HSPA2: variants seen among roughly 807,000 people sequenced by gnomAD.
HSPA2 encodes heat shock protein family A (Hsp70) member 2.
Under a neutral mutation model 35.0 loss-of-function variants are expected in HSPA2, and 13 were observed. The ratio of observed to expected loss-of-function variants is 0.37; its 90% CI spans 0.24 to 0.59. The LOEUF is 0.59. Among genes scored for constraint, HSPA2 ranks in the 20% least tolerant of loss-of-function variants. The pLI is 0.70. For missense variants in HSPA2, 565 were observed against 885.4 expected (o/e 0.64, Z 4.59); for synonymous variants, 368 against 382.1 (o/e 0.96, Z 0.43).
rs766204605 is a variant in HSPA2 at position 64,542,203 on chromosome 14, A to T, written c.1354A>T (p.Met452Leu). Residue 452 changes from methionine (M) to leucine (L), a missense_variant, in exon 1 of 1, where the codon ATG (methionine) becomes TTG (leucine). By Grantham distance (15) the Met-to-Leu change is conservative. Around this residue, in one of 4 missense-constraint regions of HSPA2, gnomAD observed 234 missense variants for 419.0 expected, o/e 0.56. Coordinates refer to ENST00000247207, the MANE Select transcript of HSPA2 (RefSeq NM_021979.4). This position sits in a 1 kb window ranked among gnomAD's most constrained non-coding sequence, Gnocchi z 5.7. ...GCAGGTATACGAGGGCGAACGGGCC[A>T]TGACCAAGGACAATAACCTGCTGGG... ...LVQVYEGERA[M>L]TKDNNLLGKF... The T allele has an allele frequency of 1.9e-6, 3 of 1,613,738 alleles. No individual in the cohort carries two copies. Among genetic ancestry groups the T allele is most frequent in the East Asian group, 4.5e-5 (2 of 44,836 alleles).
rs2140205343 is a variant in HSPA2 at position 64,542,518 on chromosome 14, G to A, written c.1669G>A (p.Glu557Lys). ...TACCTACAACATCAAGCAGACGGTG[G>A]AAGACGAGAAACTGAGGGGCAAGAT... is the stretch of plus-strand genomic sequence containing the variant. ...SYTYNIKQTV[E>K]DEKLRGKISE... Residue 557 changes from glutamate to lysine, a missense_variant, in exon 1 of 1, where the codon GAA (glutamate) becomes AAA (lysine). Physicochemically the swap from Glu to Lys is moderately conservative, Grantham distance 56. Transcript: ENST00000247207. The surrounding 1 kb of genome is among the most constrained non-coding windows in gnomAD (Gnocchi z 5.7). The A allele has an allele frequency of 1.2e-6, 2 of 1,613,490 alleles. No individual in the cohort carries two copies. Among genetic ancestry groups the A allele is most frequent in the East Asian group, 2.2e-5 (1 of 44,808 alleles).
At position 64,540,781 on chromosome 14, in the gene HSPA2, C is replaced by G. The variant is rs1327805785; in HGVS notation, c.-69C>G. 4 of 1,579,684 alleles carry G rather than the reference C, an allele frequency of 2.5e-6. No homozygotes were observed. Among genetic ancestry groups the G allele is most frequent in the Non-Finnish European group, 2.6e-6 (3 of 1,161,928 alleles). On this transcript the variant is annotated 5_prime_UTR_variant, in exon 1 of 1. Coordinates refer to ENST00000247207, the MANE Select transcript of HSPA2 (RefSeq NM_021979.4). ...CCCGTGGTGCTTGGTTCGAGGTGGC[C>G]GTTAGTTGACTCCGCGGAGTTCATC...
Position 64,542,687 on chromosome 14 carries a change from T to C in HSPA2, c.1838T>C (p.Leu613Pro), listed in dbSNP as rs780055592. The change falls in exon 1 of 1, where the codon CTT (leucine) becomes CCT (proline). Residue 613 changes from leucine to proline, a missense_variant. Physicochemically the swap from Leu to Pro is moderately conservative, Grantham distance 98. Coordinates refer to ENST00000247207, the MANE Select transcript of HSPA2 (RefSeq NM_021979.4). The surrounding 1 kb of genome is among the most constrained non-coding windows in gnomAD (Gnocchi z 5.7). ...ERVCNPIISKLYQGGPGGGSG... is the reference protein window; with the variant it reads ...ERVCNPIISKPYQGGPGGGSG... Reference sequence around the variant, plus strand: ...GTTTGCAACCCCATCATCAGCAAACTTTACCAAGGTGGTCCTGGCGGCGGC... The same window carrying C: ...GTTTGCAACCCCATCATCAGCAAACCTTACCAAGGTGGTCCTGGCGGCGGC... 1.9e-6 allele frequency: 3 copies of C among 1,614,020 alleles called. No homozygotes were observed. The highest frequency in any genetic ancestry group is 2.5e-6 in the Non-Finnish European group (3 of 1,180,012).
chr14:64,537,408 A>C (rs1019911858), upstream of HSPA2, among the ~76,000 whole-genome samples: 1 of 152,156 alleles, frequency 6.6e-6, no homozygotes, highest in Non-Finnish European at 1.5e-5. Flanking sequence ...CCTGGCAAAC[A>C]TGGTGAAACC....
In HSPA2 at chr14:64,542,729, C is replaced by T; in HGVS notation, c.1880C>T (p.Ser627Leu). ...GPGGGSGGGG[S>L]GASGGPTIEE... The stretch of plus-strand genomic sequence containing the variant: ...GGCGGCGGCAGCGGCGGCGGCGGTT[C>T]AGGAGCCTCCGGGGGACCCACCATC... The change falls in exon 1 of 1, where the codon TCA becomes TTA. Residue 627 changes from serine (S) to leucine (L), a missense_variant. Physicochemically the swap from Ser to Leu is moderately radical, Grantham distance 145 (BLOSUM62 -2). Coordinates refer to ENST00000247207, the MANE Select transcript of HSPA2 (RefSeq NM_021979.4). The surrounding 1 kb of genome is among the most constrained non-coding windows in gnomAD (Gnocchi z 5.7). 3.7e-6 allele frequency: 6 copies of T among 1,612,938 alleles called. No individual in the cohort carries two copies. Among genetic ancestry groups the T allele is most frequent in the Non-Finnish European group, 5.1e-6 (6 of 1,179,480 alleles).
At chr14:64,538,052 C>T (rs2079992834), upstream of HSPA2, among the ~76,000 whole-genome samples, 1 of 152,094 alleles carries the variant, frequency 6.6e-6, no homozygotes, top group Non-Finnish European at 1.5e-5. Flanking sequence ...AAAACGTCCC[C>T]TTTTTCAAAA....
At chr14:64,540,720 G>C (rs2080020714), upstream of HSPA2, 1 of 1,402,924 alleles carries the variant, frequency 7.1e-7, no homozygotes, top group Non-Finnish European at 9.6e-7. Flanking sequence ...TATAAGAACC[G>C]GGAACTGGGC....
rs1310201093 is a variant in HSPA2 at position 64,541,949 on chromosome 14, A to G, written c.1100A>G (p.Asn367Ser). The change falls in exon 1 of 1, where the codon AAC becomes AGC. Residue 367 changes from asparagine to serine, a missense_variant. Coordinates refer to ENST00000247207, the MANE Select transcript of HSPA2 (RefSeq NM_021979.4). Reference protein sequence around the residue: ...FNGKELNKSINPDEAVAYGAA... With the variant: ...FNGKELNKSISPDEAVAYGAA... ...GGCAAGGAGCTGAACAAGAGCATCAACCCCGACGAGGCGGTGGCCTATGGC... is the reference window on the plus strand; with the variant it reads ...GGCAAGGAGCTGAACAAGAGCATCAGCCCCGACGAGGCGGTGGCCTATGGC... The G allele has an allele frequency of 6.2e-7, 1 of 1,613,228 alleles. No individual in the cohort carries two copies. The highest frequency in any genetic ancestry group is 8.5e-7 in the Non-Finnish European group (1 of 1,179,960).
In HSPA2 at chr14:64,541,039, C is replaced by A; in HGVS notation, c.190C>A (p.Pro64Thr). 6.2e-7 allele frequency: 1 copy of A among 1,614,204 alleles called. No individual in the cohort carries two copies. Among genetic ancestry groups the A allele is most frequent in the Non-Finnish European group, 8.5e-7 (1 of 1,180,038 alleles). Residue 64 changes from proline (P) to threonine (T), a missense_variant, in exon 1 of 1, where the codon CCC becomes ACC. Physicochemically the swap from Pro to Thr is conservative, Grantham distance 38. Transcript: ENST00000247207. ...CGCCAAGAACCAGGTGGCCATGAAC[C>A]CCACCAACACCATCTTCGACGCCAA... ...DAAKNQVAMN[P>T]TNTIFDAKRL...
At position 64,542,699 on chromosome 14, in the gene HSPA2, G is replaced by T; in HGVS notation, c.1850G>T (p.Gly617Val). The change falls in exon 1 of 1, where the codon GGT (glycine) becomes GTT (valine). Residue 617 changes from glycine (G) to valine (V), a missense_variant. Gly to Val is a moderately radical substitution (Grantham distance 109, BLOSUM62 -3). Around this residue, in one of 4 missense-constraint regions of HSPA2, gnomAD observed 147 missense variants for 166.7 expected, o/e 0.88. Transcript: ENST00000247207. The surrounding 1 kb of genome is among the most constrained non-coding windows in gnomAD (Gnocchi z 5.7). Reference sequence around the variant, plus strand: ...ATCATCAGCAAACTTTACCAAGGTGGTCCTGGCGGCGGCAGCGGCGGCGGC... The same window carrying T: ...ATCATCAGCAAACTTTACCAAGGTGTTCCTGGCGGCGGCAGCGGCGGCGGC... Reference protein sequence around the residue: ...NPIISKLYQGGPGGGSGGGGS... With the variant: ...NPIISKLYQGVPGGGSGGGGS... 1 of 1,614,056 alleles carries T rather than the reference G, an allele frequency of 6.2e-7. No individual in the cohort carries two copies. The highest frequency in any genetic ancestry group is 8.5e-7 in the Non-Finnish European group (1 of 1,180,018).
Position 64,541,489 on chromosome 14 carries a change from A to C in HSPA2, c.640A>C (p.Thr214Pro), listed in dbSNP as rs2140204329. The change falls in exon 1 of 1, where the codon ACC (threonine) becomes CCC (proline). Residue 214 changes from threonine to proline, a missense_variant. Transcript: ENST00000247207. ...GGGTFDVSIL[T>P]IEDGIFEVKS... ...TGGCACTTTCGACGTGTCCATCCTG[A>C]CCATCGAGGATGGCATCTTCGAGGT... is the stretch of plus-strand genomic sequence containing the variant. 1 of 1,613,510 alleles carries C rather than the reference A, an allele frequency of 6.2e-7. No homozygotes were observed. The highest frequency in any genetic ancestry group is 8.5e-7 in the Non-Finnish European group (1 of 1,179,782).
In HSPA2 at chr14:64,541,900, A is replaced by C; in HGVS notation, c.1051A>C (p.Lys351Gln). ...GGSTRIPKIQ[K>Q]LLQDFFNGKE... ...CTCCACTCGTATCCCCAAGATCCAGAAGCTGCTGCAGGATTTCTTCAACGG... is the reference window on the plus strand; with the variant it reads ...CTCCACTCGTATCCCCAAGATCCAGCAGCTGCTGCAGGATTTCTTCAACGG... The change falls in exon 1 of 1, where the codon AAG becomes CAG. Residue 351 changes from lysine (K) to glutamine (Q), a missense_variant. Physicochemically the swap from Lys to Gln is moderately conservative, Grantham distance 53 (BLOSUM62 1). Around this residue, in one of 4 missense-constraint regions of HSPA2, gnomAD observed 234 missense variants for 419.0 expected, o/e 0.56. Coordinates refer to ENST00000247207, the MANE Select transcript of HSPA2 (RefSeq NM_021979.4). 1 of 1,613,570 alleles carries C rather than the reference A, an allele frequency of 6.2e-7. No homozygotes were observed. The highest frequency in any genetic ancestry group is 8.5e-7 in the Non-Finnish European group (1 of 1,180,022).
chr14:64,541,737 CT>C lies in HSPA2; in HGVS notation c.889del (p.Tyr297IlefsTer66). On this transcript the variant is annotated frameshift_variant, in exon 1 of 1. Transcript: ENST00000247207. LOFTEE classifies it high-confidence loss of function. Reference sequence around the variant, plus strand: ...ACTCGCTCTACGAGGGCGTGGACTTCTATACGTCCATCACGCGCGCCCGCTT... The same window carrying C: ...ACTCGCTCTACGAGGGCGTGGACTTCATACGTCCATCACGCGCGCCCGCTT... ...IDSLYEGVDF[Y>X]TSITRARFEE... The C allele has an allele frequency of 6.2e-7, 1 of 1,612,136 alleles. No individual in the cohort carries two copies. Among genetic ancestry groups the C allele is most frequent in the Non-Finnish European group, 8.5e-7 (1 of 1,179,578 alleles).
chr14:64,538,812 C>T (rs575295634), upstream of HSPA2, among the ~76,000 whole-genome samples: 2 of 152,302 alleles, frequency 1.3e-5, no homozygotes, highest in South Asian at 2.1e-4. Context: ...GTAAAGTGAT[C>T]GCTGTCTTTG....
At chr14:64,535,970 G>C (rs1199937377), upstream of HSPA2, 1 of 146,062 alleles carries the variant, frequency 6.8e-6, no homozygotes, top group Non-Finnish European at 1.5e-5. Context: ...CCAGCCATAT[G>C]GAAGTGTGAG....
chr14:64,540,566 G>T (rs2080019113), upstream of HSPA2: 1 of 480,228 alleles, frequency 2.1e-6, no homozygotes. Flanking sequence ...CCTGGCGGGG[G>T]CCGGAGTCCC....
Position 64,542,937 on chromosome 14 carries a change from C to A in HSPA2, c.*168C>A. On this transcript the variant is annotated 3_prime_UTR_variant, in exon 1 of 1. Coordinates refer to ENST00000247207, the MANE Select transcript of HSPA2 (RefSeq NM_021979.4). The surrounding 1 kb of genome is among the most constrained non-coding windows in gnomAD (Gnocchi z 5.7). ...CAACTTAGTTTAATTATAAAAGTTC[C>A]AAAGTTTGTTTTTTAAAAACATTAT... 8.3e-7 allele frequency: 1 copy of A among 1,198,232 alleles called. No individual in the cohort carries two copies. Among genetic ancestry groups the A allele is most frequent in the Non-Finnish European group, 1.1e-6 (1 of 875,630 alleles). 74.2% of individuals were successfully genotyped at this position (1,198,232 alleles called of 1,614,324 possible). A position where few individuals can be genotyped will look rare whatever the true frequency, so the allele number is the denominator to read the frequency against.
chr14:64,541,993 A>T lies in HSPA2; in HGVS notation c.1144A>T (p.Ile382Phe). ...VAYGAAVQAA[I>F]LIGDKSENVQ... ...CTATGGCGCCGCGGTGCAGGCGGCC[A>T]TCCTCATCGGCGACAAATCAGAGAA... The change falls in exon 1 of 1, where the codon ATC becomes TTC. Residue 382 changes from isoleucine (I) to phenylalanine (F), a missense_variant. Physicochemically the swap from Ile to Phe is conservative, Grantham distance 21. Around this residue, in one of 4 missense-constraint regions of HSPA2, gnomAD observed 234 missense variants for 419.0 expected, o/e 0.56. Transcript: ENST00000247207. 6.2e-7 allele frequency: 1 copy of T among 1,613,496 alleles called. No homozygotes were observed. Among genetic ancestry groups the T allele is most frequent in the Non-Finnish European group, 8.5e-7 (1 of 1,180,010 alleles).
chr14:64,538,702 T>G (rs2079998697), upstream of HSPA2, among the ~76,000 whole-genome samples: 1 of 152,200 alleles, frequency 6.6e-6, no homozygotes, highest in African/African-American at 2.4e-5. Flanking sequence ...ACTCTCCACC[T>G]CTGAAGACCA....
Sources: gnomAD v4.1 joint callset for allele counts (sites outside exome capture counted in the v4.1 genomes callset) on GRCh38, gnomAD v4.1.1 for gene constraint, gnomAD v4.1.1 regional missense constraint, Gnocchi (gnomAD v3.1) non-coding constraint, MANE v1.5 for transcripts, NCBI Gene and HGNC (gene_info 2026-07-23, HGNC 2026-07-21) for gene names.